MAPK10: variants seen among roughly 807,000 people sequenced by gnomAD.
The protein encoded by MAPK10 is JNK3 alpha protein kinase.
Under a neutral mutation model 59.3 loss-of-function variants are expected in MAPK10, and 25 were observed. The ratio of observed to expected loss-of-function variants is 0.42; its 90% CI spans 0.31 to 0.59. The LOEUF is 0.59. Ranked by LOEUF, MAPK10 falls within the 20% of genes least tolerant of loss-of-function variation. MAPK10 has a pLI of 0.15. For missense variants in MAPK10, 351 were observed against 568.9 expected (o/e 0.62, Z 3.90); for synonymous variants, 190 against 200.5 (o/e 0.95, Z 0.44).
chr4:86,128,799 CAT>C, intron 4 of MAPK10, among the ~76,000 whole-genome samples: 1 of 152,036 alleles, frequency 6.6e-6, no homozygotes, highest in Non-Finnish European at 1.5e-5. Context: ...ATATAACTGA[CAT>C]CACTTGCTGT....
chr4:86,581,022 A>G (rs1452638808), intron 1 of MAPK10, among the ~76,000 whole-genome samples: 10 of 152,332 alleles, frequency 6.6e-5, no homozygotes, highest in African/African-American at 2.4e-4. Context: ...ATCCTATTTT[A>G]TAGTCAGTTG....
At chr4:86,314,334 G>T (rs1303136114) in intron 2 of MAPK10, among the ~76,000 whole-genome samples, 1 of 152,138 alleles carries the variant, frequency 6.6e-6, no homozygotes, top group Non-Finnish European at 1.5e-5. Context: ...CACACGTTGT[G>T]GGAGGAACCC....
intron 3 of MAPK10, among the ~76,000 whole-genome samples, chr4:86,183,173 T>A (rs2077307296): frequency 6.6e-6 from 1 of 152,052 alleles, no homozygotes; most frequent in Non-Finnish European, 1.5e-5. Context: ...AGTTTTAGGG[T>A]ACATGTGCAC....
rs200152376 is a variant in MAPK10, at chr4:86,559,365, A to C, written c.-263+34545T>G. On this transcript the variant is annotated intron_variant, in intron 1 of 4. Coordinates refer to the MAPK10 transcript ENST00000502302. ...CTAGGTGAAGATGCTATTGAGAGATATCTCTGTTTTAAGATTTATTCCAAG... is the reference window on the plus strand; with the variant it reads ...CTAGGTGAAGATGCTATTGAGAGATCTCTCTGTTTTAAGATTTATTCCAAG... Among the ~76,000 whole-genome samples the C allele has an allele frequency of 5.3e-5, 8 of 151,954 alleles. No individual in the cohort carries two copies. The East Asian group carries it at 1.4e-3, about 26-fold the overall frequency.
At chr4:86,408,149 T>G in intron 1 of MAPK10, among the ~76,000 whole-genome samples, 1 of 147,248 alleles carries the variant, frequency 6.8e-6, no homozygotes, top group East Asian at 2.0e-4. Flanking sequence ...GAACATGCAG[T>G]GTTTGCTTTT....
chr4:86,025,113 A>G (rs1273914600), intron 13 of MAPK10: 1 of 157,812 alleles, frequency 6.3e-6, no homozygotes, highest in African/African-American at 2.4e-5. Context: ...GTGGCTTCTT[A>G]GAACGAATTA....
At position 86,194,340 on chromosome 4, in the gene MAPK10, C is replaced by T. The variant is rs146056714; in HGVS notation, c.62G>A (p.Cys21Tyr). The change falls in exon 3 of 14, where the codon TGT (cysteine) becomes TAT (tyrosine). Residue 21 changes from cysteine to tyrosine, a missense_variant. By Grantham distance (194) the Cys-to-Tyr change is radical (BLOSUM62 -2). Coordinates refer to ENST00000641462, the MANE Select transcript of MAPK10 (RefSeq NM_138982.4). ...TTACCTGTAAGGAACACACACCTGA[C>T]AAAAGGCAATTTTCACATCCAATGT... The part of the protein sequence containing the change: ...EPTLDVKIAF[C>Y]QGFDKQVDVS... The T allele has an allele frequency of 1.9e-6, 3 of 1,613,204 alleles. No homozygotes were observed. Among genetic ancestry groups the T allele is most frequent in the Non-Finnish European group, 2.5e-6 (3 of 1,179,288 alleles).
At chr4:86,266,783 C>T (rs1466607958) in intron 2 of MAPK10, among the ~76,000 whole-genome samples, 1 of 152,066 alleles carries the variant, frequency 6.6e-6, no homozygotes, top group Non-Finnish European at 1.5e-5. Flanking sequence ...ACTAAATCTA[C>T]ATCTATATAA....
At chr4:86,306,021 C>T (rs1195996403) in intron 2 of MAPK10, among the ~76,000 whole-genome samples, 3 of 152,124 alleles carry the variant, frequency 2.0e-5, no homozygotes, top group African/African-American at 7.2e-5. Context: ...TACACTAATA[C>T]AGGAATTACC....
At chr4:86,399,038 C>T (rs1397641996) in intron 1 of MAPK10, among the ~76,000 whole-genome samples, 2 of 152,146 alleles carry the variant, frequency 1.3e-5, no homozygotes, top group Non-Finnish European at 2.9e-5. Flanking sequence ...TCTGTCTTTG[C>T]TATTGTGGAT....
At chr4:86,402,762 C>G (rs1743883271) in intron 1 of MAPK10, among the ~76,000 whole-genome samples, 1 of 152,088 alleles carries the variant, frequency 6.6e-6, no homozygotes, top group African/African-American at 2.4e-5. Context: ...CTAAGGAAGA[C>G]TCAAAAGGCC....
intron 9 of MAPK10, among the ~76,000 whole-genome samples, chr4:86,075,079 G>A (rs2048975485): frequency 6.7e-6 from 1 of 150,192 alleles, no homozygotes; most frequent in Non-Finnish European, 1.5e-5. Context: ...ATTTCTTGGA[G>A]GCTTTGCTCA....
At chr4:86,208,020 C>G (rs2084635149) in intron 2 of MAPK10, among the ~76,000 whole-genome samples, 2 of 152,076 alleles carry the variant, frequency 1.3e-5, no homozygotes, top group Non-Finnish European at 2.9e-5. Flanking sequence ...GACACATACA[C>G]TCTCCCAAGA....
At chr4:86,450,095 A>C (rs2149054198) in intron 1 of MAPK10, among the ~76,000 whole-genome samples, 1 of 152,364 alleles carries the variant, frequency 6.6e-6, no homozygotes, top group Non-Finnish European at 1.5e-5. Context: ...AGAAACGATG[A>C]GATAATAAAT....
intron 2 of MAPK10, among the ~76,000 whole-genome samples, chr4:86,215,794 G>A (rs569396294): frequency 1.3e-4 from 20 of 152,216 alleles, no homozygotes; most frequent in Middle Eastern, 3.4e-3. Context: ...CCCGGGAGGC[G>A]GAGGTTGCAG....
intron 1 of MAPK10, among the ~76,000 whole-genome samples, chr4:86,525,146 A>C (rs1003354935): frequency 6.6e-6 from 1 of 151,852 alleles, no homozygotes; most frequent in Non-Finnish European, 1.5e-5. Flanking sequence ...AAATACAAAA[A>C]ATTAGCCAGG....
intron 2 of MAPK10, among the ~76,000 whole-genome samples, chr4:86,278,008 A>T (rs535870330): frequency 6.6e-6 from 1 of 152,120 alleles, no homozygotes; most frequent in Non-Finnish European, 1.5e-5. Context: ...TTAAATATGT[A>T]CCTCAGTTAT....
At position 86,039,245 on chromosome 4, in the gene MAPK10, G is replaced by A. The variant is rs187259053; in HGVS notation, c.1111-7814C>T. On this transcript the variant is annotated intron_variant, in intron 11 of 13. Coordinates refer to ENST00000641462, the MANE Select transcript of MAPK10 (RefSeq NM_138982.4). ...CCAGGTGAGAGATTTCAGCACCTGGGTATAGCACGGAAACAAGAAAAGATG... is the reference window on the plus strand; with the variant it reads ...CCAGGTGAGAGATTTCAGCACCTGGATATAGCACGGAAACAAGAAAAGATG... Among the ~76,000 whole-genome samples the A allele has an allele frequency of 6.4e-3, 978 of 152,244 alleles. 12 individuals carry two copies. The highest frequency in any genetic ancestry group is 0.022 in the African/African-American group (931 of 41,550).
chr4:86,501,130 A>ACC (rs1755286993), intron 1 of MAPK10, among the ~76,000 whole-genome samples: 2 of 150,906 alleles, frequency 1.3e-5, no homozygotes, highest in Non-Finnish European at 3.0e-5. Flanking sequence ...AAAAAAAAAA[A>ACC]AAAAAAAAAA....
Sources: allele counts gnomAD v4.1 joint callset (sites outside exome capture counted in the v4.1 genomes callset), GRCh38; gene constraint gnomAD v4.1.1; transcripts MANE v1.5; gene names NCBI Gene and HGNC (gene_info 2026-07-23, HGNC 2026-07-21).